Variants in PCDH9 observed in about 807,000 individuals in gnomAD.
PCDH9 encodes protocadherin-9.
PCDH9 carries 24 observed loss-of-function variants against 70.6 expected under a neutral mutation model. The observed-to-expected ratio is 0.34, with a 90% confidence interval of 0.25 to 0.48. The LOEUF (loss-of-function observed/expected upper bound fraction) is 0.48, where lower values mean the gene tolerates loss of function less well. PCDH9 is among the 20% of genes least tolerant of loss of function. PCDH9 has a pLI of 0.99. For synonymous variants in PCDH9, 562 were observed against 558.5 expected (o/e 1.01, Z -0.09); for missense variants, 1,281 against 1,503.6 (o/e 0.85, Z 2.45).
chr13:66,715,563 T>C (rs1434503319), intron 3 of PCDH9, among the ~76,000 whole-genome samples: 3 of 152,198 alleles, frequency 2.0e-5, no homozygotes, highest in Admixed American at 1.3e-4. Flanking sequence ...ATTAACTCCA[T>C]AATTTACATG....
chr13:66,926,375 T>C (rs1489386921), intron 2 of PCDH9, among the ~76,000 whole-genome samples: 2 of 152,012 alleles, frequency 1.3e-5, no homozygotes, highest in Non-Finnish European at 2.9e-5. Context: ...ACACACCCTA[T>C]TGATGCTCAT....
chr13:66,788,431 C>T (rs2080112379), intron 3 of PCDH9, among the ~76,000 whole-genome samples: 1 of 152,088 alleles, frequency 6.6e-6, no homozygotes, highest in Non-Finnish European at 1.5e-5. Flanking sequence ...CCTGCCTCAT[C>T]TATAATATAG....
intron 2 of PCDH9, among the ~76,000 whole-genome samples, chr13:67,173,544 T>C (rs968718073): frequency 6.6e-6 from 1 of 152,136 alleles, no homozygotes; most frequent in Non-Finnish European, 1.5e-5. Context: ...AGATGGAAAA[T>C]TCACTTAGGC....
At chr13:67,030,491 A>AC (rs2084883190) in intron 2 of PCDH9, among the ~76,000 whole-genome samples, 1 of 148,606 alleles carries the variant, frequency 6.7e-6, no homozygotes, top group Non-Finnish European at 1.5e-5. Flanking sequence ...CCCACCACCG[A>AC]CCCCCACCAA....
intron 2 of PCDH9, among the ~76,000 whole-genome samples, chr13:66,936,633 G>C (rs989296324): frequency 2.0e-5 from 3 of 152,196 alleles, no homozygotes; most frequent in Non-Finnish European, 4.4e-5. Flanking sequence ...TTCACACATG[G>C]CTGTTTCATG....
chr13:67,224,519 T>C (rs970262433), intron 2 of PCDH9: 1 of 152,296 alleles, frequency 6.6e-6, no homozygotes, highest in Non-Finnish European at 1.5e-5. Context: ...ATTTAAATCT[T>C]TATTAACAAG....
intron 3 of PCDH9, among the ~76,000 whole-genome samples, chr13:66,735,279 G>A (rs1245946731): frequency 2.0e-5 from 3 of 152,106 alleles, no homozygotes; most frequent in Non-Finnish European, 2.9e-5. Context: ...TCAAACACTT[G>A]CAAAATCTTG....
At chr13:66,836,199 CA>C (rs1190084666) in intron 3 of PCDH9, among the ~76,000 whole-genome samples, 1 of 152,020 alleles carries the variant, frequency 6.6e-6, no homozygotes, top group Non-Finnish European at 1.5e-5. Flanking sequence ...AAGTTCAAAA[CA>C]AAAAGCAATT....
intron 2 of PCDH9, among the ~76,000 whole-genome samples, chr13:67,192,319 A>G (rs972969854): frequency 3.9e-4 from 60 of 152,188 alleles, no homozygotes; most frequent in African/African-American, 1.4e-3. Flanking sequence ...TGAAATAACT[A>G]AAAATCAAAC....
At chr13:66,423,222 C>A (rs1336761946) in intron 4 of PCDH9, among the ~76,000 whole-genome samples, 1 of 151,990 alleles carries the variant, frequency 6.6e-6, no homozygotes, top group African/African-American at 2.4e-5. Context: ...CAAATTCTAC[C>A]AAAGAATTTC....
chr13:66,507,746 G>C (rs1275901942), intron 4 of PCDH9, among the ~76,000 whole-genome samples: 1 of 151,546 alleles, frequency 6.6e-6, no homozygotes, highest in African/African-American at 2.4e-5. Context: ...TTTTGAGATG[G>C]TGTCTTGCTC....
intron 2 of PCDH9, chr13:67,220,521 TAATAAG>T (rs1468795295): frequency 2.6e-5 from 4 of 152,026 alleles, no homozygotes; most frequent in African/African-American, 7.2e-5. Context: ...ATTATTTAAA[TAATAAG>T]AATATGTTTA....
intron 2 of PCDH9, among the ~76,000 whole-genome samples, chr13:67,197,925 A>T (rs750082790): frequency 1.3e-5 from 2 of 151,798 alleles, no homozygotes; most frequent in Non-Finnish European, 3.0e-5. Flanking sequence ...ATAAGACATG[A>T]ACTAATAATG....
chr13:66,897,746 A>G (rs117645420), intron 3 of PCDH9, among the ~76,000 whole-genome samples: 3,609 of 152,202 alleles, frequency 0.024, 74 homozygotes, highest in Non-Finnish European at 0.038. Flanking sequence ...TTATTTAGCA[A>G]GTAATAGGAG....
At chr13:67,085,594 G>A (rs975639244) in intron 2 of PCDH9, among the ~76,000 whole-genome samples, 2 of 152,126 alleles carry the variant, frequency 1.3e-5, no homozygotes, top group African/African-American at 4.8e-5. Flanking sequence ...GGAATAACTG[G>A]CACCCCTGAT....
At chr13:66,639,121 A>G (rs2077677066) in intron 3 of PCDH9, among the ~76,000 whole-genome samples, 1 of 152,214 alleles carries the variant, frequency 6.6e-6, no homozygotes, top group Non-Finnish European at 1.5e-5. Flanking sequence ...TTTAAAGTCA[A>G]GCAGTATTTT....
At chr13:67,013,678 T>C (rs1051084335) in intron 2 of PCDH9, among the ~76,000 whole-genome samples, 1 of 151,888 alleles carries the variant, frequency 6.6e-6, no homozygotes, top group African/African-American at 2.4e-5. Flanking sequence ...GATGATAGCC[T>C]CATTCATCCT....
chr13:66,834,598 G>A (rs2080984848), intron 3 of PCDH9, among the ~76,000 whole-genome samples: 1 of 152,170 alleles, frequency 6.6e-6, no homozygotes, highest in Non-Finnish European at 1.5e-5. Context: ...GAAGTACAAG[G>A]TAGTATACTG....
chr13:67,155,494 T>C (rs1272913077), intron 2 of PCDH9, among the ~76,000 whole-genome samples: 1 of 152,194 alleles, frequency 6.6e-6, no homozygotes, highest in Non-Finnish European at 1.5e-5. Context: ...ATTGTAATTA[T>C]CAAACTTATG....
Sources: allele counts gnomAD v4.1 joint callset (sites outside exome capture counted in the v4.1 genomes callset), GRCh38; gene constraint gnomAD v4.1.1; transcripts MANE v1.5; gene names NCBI Gene and HGNC (gene_info 2026-07-23, HGNC 2026-07-21).